Variants in DNAH6 observed in about 807,000 individuals in gnomAD.
DNAH6 encodes axonemal beta dynein heavy chain 6.
Under a neutral mutation model 491.4 loss-of-function variants are expected in DNAH6, and 340 were observed. The ratio of observed to expected loss-of-function variants is 0.69; its 90% confidence interval spans 0.63 to 0.76. The LOEUF (loss-of-function observed/expected upper bound fraction) is 0.76. DNAH6 is among the 30% of genes least tolerant of loss of function. The probability of loss-of-function intolerance (pLI) is 0.00; values close to 1 mark genes in which losing one functional copy is unlikely to be tolerated. For synonymous variants in DNAH6, 1,603 were observed against 1,686.1 expected (o/e 0.95, Z 1.21); for missense variants, 4,443 against 4,972.2 (o/e 0.89, Z 3.20).
chr2:84,726,670 G>A (rs1046939187), intron 60 of DNAH6, among the ~76,000 whole-genome samples: 2 of 151,958 alleles, frequency 1.3e-5, no homozygotes, highest in Non-Finnish European at 2.9e-5. Flanking sequence ...TATACCTAAT[G>A]CTAAATGACA....
At chr2:84,818,983 GAAT>G (rs1680771354) in intron 76 of DNAH6, among the ~76,000 whole-genome samples, 1 of 152,112 alleles carries the variant, frequency 6.6e-6, no homozygotes, top group Non-Finnish European at 1.5e-5. Context: ...TGAGGTAGGA[GAAT>G]CACTTGAACC....
intron 71 of DNAH6, among the ~76,000 whole-genome samples, chr2:84,807,463 G>A (rs1679527415): frequency 6.6e-6 from 1 of 152,118 alleles, no homozygotes; most frequent in African/African-American, 2.4e-5. Context: ...TTGAACTATG[G>A]GCCTGTTTAA....
intron 37 of DNAH6, 141 bp from the exon 38 acceptor site, chr2:84,669,148 A>G: frequency 3.1e-6 from 2 of 648,848 alleles, no homozygotes; most frequent in Admixed American, 5.5e-5. Flanking sequence ...ATACCTAAAT[A>G]ACTATGTATC....
the DNAH6 span, among the ~76,000 whole-genome samples, chr2:84,509,674 G>A: frequency 6.6e-6 from 1 of 152,152 alleles, no homozygotes; most frequent in South Asian, 2.1e-4. Flanking sequence ...TAGCCTCGAT[G>A]GTCTTTACAA....
At chr2:84,579,129 A>G (rs1301287476) in intron 13 of DNAH6, among the ~76,000 whole-genome samples, 2 of 152,128 alleles carry the variant, frequency 1.3e-5, no homozygotes, top group Non-Finnish European at 2.9e-5. Context: ...CCATGTTCCT[A>G]TTTGCCAAGT....
the DNAH6 span, among the ~76,000 whole-genome samples, chr2:84,510,404 G>C: frequency 6.6e-6 from 1 of 152,100 alleles, no homozygotes; most frequent in Admixed American, 6.5e-5. Flanking sequence ...CGTAGTTCTC[G>C]TGCCTTGGTT....
At chr2:84,608,883 T>C (rs1573206068) in intron 21 of DNAH6, among the ~76,000 whole-genome samples, 1 of 152,230 alleles carries the variant, frequency 6.6e-6, no homozygotes, top group Non-Finnish European at 1.5e-5. Context: ...GGCTATTTTG[T>C]CTTCATTGAA....
the DNAH6 span, among the ~76,000 whole-genome samples, chr2:84,483,241 C>T: frequency 3.3e-5 from 5 of 152,140 alleles, no homozygotes; most frequent in African/African-American, 9.6e-5. Flanking sequence ...TGGGATTACA[C>T]GTGTGAACCA....
At chr2:84,608,742 G>T (rs1212870679) in intron 21 of DNAH6, among the ~76,000 whole-genome samples, 10 of 152,156 alleles carry the variant, frequency 6.6e-5, no homozygotes, top group Non-Finnish European at 1.2e-4. Context: ...ATGAGCATTG[G>T]TTCTAACTCA....
At chr2:84,577,203 C>A in intron 12 of DNAH6, 54 bp from the exon 13 acceptor site, 2 of 1,103,452 alleles carry the variant, frequency 1.8e-6, no homozygotes, top group Non-Finnish European at 1.3e-6. Context: ...TTGTAATGAT[C>A]TTTTAAAATC....
At chr2:84,611,115 C>T (rs907081196) in intron 21 of DNAH6, among the ~76,000 whole-genome samples, 1 of 144,000 alleles carries the variant, frequency 6.9e-6, no homozygotes, top group East Asian at 1.9e-4. Flanking sequence ...AATTTCTGAC[C>T]GTGTATTTCT....
At chr2:84,644,681 A>G (rs946600668) in intron 33 of DNAH6, among the ~76,000 whole-genome samples, 4 of 152,136 alleles carry the variant, frequency 2.6e-5, no homozygotes, top group African/African-American at 9.7e-5. Flanking sequence ...TATAAGTAAG[A>G]GCATACAGTA....
At chr2:84,507,845 T>C in the DNAH6 span, among the ~76,000 whole-genome samples, 42 of 152,214 alleles carry the variant, frequency 2.8e-4, no homozygotes, top group Admixed American at 2.7e-3. Flanking sequence ...TTGTCTTTGG[T>C]TCTGTTTATA....
Position 84,722,808 on chromosome 2 carries a change from A to G in DNAH6, c.9972+4A>G, listed in dbSNP as rs1383014344. On this transcript the variant is annotated splice_donor_region_variant and intron_variant, in intron 60 of 76. Transcript: ENST00000389394. ...CTCATTAAAATACTTTAAACAGGTA[A>G]GTGTGTTCATGTTGTTAATGACAGT... 4 of 1,456,126 alleles carry G rather than the reference A, an allele frequency of 2.7e-6. No homozygotes were observed. The highest frequency in any genetic ancestry group is 3.6e-6 in the Non-Finnish European group (4 of 1,098,544). 90.2% of individuals were successfully genotyped at this position (1,456,126 alleles called of 1,614,324 possible).
chr2:84,664,341 A>C (rs968066650), intron 37 of DNAH6, among the ~76,000 whole-genome samples: 3 of 152,208 alleles, frequency 2.0e-5, no homozygotes, highest in Non-Finnish European at 4.4e-5. Context: ...GGTGTGCTGT[A>C]TTCAGGAGAC....
intron 11 of DNAH6, among the ~76,000 whole-genome samples, chr2:84,566,310 A>G (rs1681187233): frequency 6.6e-6 from 1 of 152,086 alleles, no homozygotes; most frequent in African/African-American, 2.4e-5. Context: ...TTATTCTAGA[A>G]TATTGAAAAT....
At chr2:84,509,942 T>C in the DNAH6 span, among the ~76,000 whole-genome samples, 1 of 152,206 alleles carries the variant, frequency 6.6e-6, no homozygotes, top group Non-Finnish European at 1.5e-5. Flanking sequence ...GCTGAGAGAT[T>C]AGCTGTTAGT....
intron 70 of DNAH6, among the ~76,000 whole-genome samples, chr2:84,800,591 T>C (rs1360251764): frequency 1.3e-5 from 2 of 152,126 alleles, no homozygotes; most frequent in African/African-American, 4.8e-5. Flanking sequence ...AAAATCTCAC[T>C]ACGGGAGTAT....
intron 18 of DNAH6, among the ~76,000 whole-genome samples, chr2:84,598,033 A>T (rs966795362): frequency 1.3e-4 from 20 of 152,202 alleles, no homozygotes; most frequent in African/African-American, 4.8e-4. Flanking sequence ...CAGATAGCAT[A>T]TGTCATTTAT....
Sources: gnomAD v4.1 joint callset for allele counts (sites outside exome capture counted in the v4.1 genomes callset) on GRCh38, gnomAD v4.1.1 for gene constraint, MANE v1.5 for transcripts, NCBI Gene and HGNC (gene_info 2026-07-23, HGNC 2026-07-21) for gene names.